AP2B1: variants seen among roughly 807,000 people sequenced by gnomAD.
The protein encoded by AP2B1 is adaptor related protein complex 2 subunit beta 1.
A neutral mutation model predicts 102.0 loss-of-function variants in AP2B1; 23 were observed. The observed-to-expected ratio is 0.23, with a 90% CI of 0.16 to 0.32. AP2B1 has a LOEUF of 0.32. Among genes scored for constraint, AP2B1 ranks in the 10% least tolerant of loss-of-function variants. The pLI is 1.00. For synonymous variants in AP2B1, 381 were observed against 421.2 expected (o/e 0.90, Z 1.17); for missense variants, 541 against 1,157.4 (o/e 0.47, Z 7.73).
chr17:35,713,795 AGT>A (rs1212416907), intron 20 of AP2B1: 2 of 152,200 alleles, frequency 1.3e-5, no homozygotes, highest in Admixed American at 1.3e-4. Context: ...TTAAGAGAAA[AGT>A]GTATGGTGGG....
Position 35,682,725 on chromosome 17 carries a change from C to T in AP2B1, c.2355C>T (p.Ala785=). The T allele has an allele frequency of 6.2e-7, 1 of 1,612,482 alleles. No individual in the cohort carries two copies. The highest frequency in any genetic ancestry group is 1.3e-5 in the African/African-American group (1 of 74,954). ...GTGTCATCCCCAGCACTCCTCTGGC[C>T]ATCCATACACCACTGATGCCAAACC... ...SFGVIPSTPL[A]IHTPLMPNQS... is the part of the protein sequence containing the mutation. Residue 785 remains alanine (A), a synonymous_variant, in exon 18 of 22, where the codon GCC becomes GCT. Coordinates refer to ENST00000610402, the MANE Select transcript of AP2B1 (RefSeq NM_001030006.2).
chr17:35,651,671 G>A (rs1013092464), intron 13 of AP2B1, among the ~76,000 whole-genome samples: 1 of 151,886 alleles, frequency 6.6e-6, no homozygotes, highest in Non-Finnish European at 1.5e-5. Flanking sequence ...GGCGTGGTCA[G>A]CATTTTGGGT....
At chr17:35,596,843 G>A (rs1401661906) in intron 2 of AP2B1, 3 of 672,698 alleles carry the variant, frequency 4.5e-6, no homozygotes, top group Non-Finnish European at 8.3e-6. Flanking sequence ...GCCCCACACC[G>A]CACACAGGCC....
chr17:35,681,171 AG>A (rs2075816011), intron 17 of AP2B1, among the ~76,000 whole-genome samples: 1 of 152,228 alleles, frequency 6.6e-6, no homozygotes, highest in Non-Finnish European at 1.5e-5. Flanking sequence ...CCTGAAGCTT[AG>A]AAAGTGGCCA....
chr17:35,717,868 T>G (rs1276508022), intron 21 of AP2B1, among the ~76,000 whole-genome samples: 3 of 152,216 alleles, frequency 2.0e-5, no homozygotes, highest in Non-Finnish European at 4.4e-5. Context: ...AAGGGGACTT[T>G]AGTTTGGGAA....
At chr17:35,679,635 C>G (rs1330824824) in intron 17 of AP2B1, among the ~76,000 whole-genome samples, 1 of 152,006 alleles carries the variant, frequency 6.6e-6, no homozygotes, top group African/African-American at 2.4e-5. Flanking sequence ...GACTTTTTCC[C>G]CCTTGTTTGT....
intron 18 of AP2B1, among the ~76,000 whole-genome samples, chr17:35,705,977 C>T (rs1284821727): frequency 1.3e-5 from 2 of 152,194 alleles, no homozygotes; most frequent in Non-Finnish European, 2.9e-5. Context: ...ATTTTACAGA[C>T]AGGAAACTGT....
intron 17 of AP2B1, among the ~76,000 whole-genome samples, chr17:35,675,291 A>G (rs1465016675): frequency 6.6e-6 from 1 of 152,240 alleles, no homozygotes; most frequent in Non-Finnish European, 1.5e-5. Context: ...AGCCCTGCAT[A>G]TAAAAAGTAG....
intron 6 of AP2B1, among the ~76,000 whole-genome samples, chr17:35,626,081 C>A (rs1157467560): frequency 6.6e-6 from 1 of 152,044 alleles, no homozygotes. Context: ...AAAAAACAAA[C>A]CCTTTTCAGA....
At chr17:35,620,800 A>G (rs2074154726) in intron 5 of AP2B1, among the ~76,000 whole-genome samples, 1 of 152,180 alleles carries the variant, frequency 6.6e-6, no homozygotes, top group Non-Finnish European at 1.5e-5. Context: ...CCTGGGCAAC[A>G]GAGTGAGACC....
intron 9 of AP2B1, among the ~76,000 whole-genome samples, chr17:35,632,564 A>G (rs766269535): frequency 1.3e-5 from 2 of 152,062 alleles, no homozygotes; most frequent in African/African-American, 4.8e-5. Flanking sequence ...TCTTTATCAT[A>G]TACTGAATTT....
chr17:35,674,107 T>A, intron 16 of AP2B1, 69 bp from the exon 17 acceptor site: 1 of 1,471,822 alleles, frequency 6.8e-7, no homozygotes. Context: ...TTGTTTTTTA[T>A]TTGTTAAAAA....
chr17:35,713,475 G>A (rs1477490419), intron 20 of AP2B1, among the ~76,000 whole-genome samples: 5 of 152,208 alleles, frequency 3.3e-5, no homozygotes, highest in Non-Finnish European at 5.9e-5. Flanking sequence ...TTCCAGTCTC[G>A]AGGGCTCTAT....
chr17:35,596,226 G>A (rs978909825), intron 2 of AP2B1, among the ~76,000 whole-genome samples: 2 of 152,138 alleles, frequency 1.3e-5, no homozygotes, highest in Non-Finnish European at 2.9e-5. Flanking sequence ...AAACCCCGCC[G>A]TTTGTCCTTC....
chr17:35,698,827 G>C (rs1303718896), intron 18 of AP2B1, among the ~76,000 whole-genome samples: 1 of 152,164 alleles, frequency 6.6e-6, no homozygotes, highest in Non-Finnish European at 1.5e-5. Flanking sequence ...TTCTGACCTT[G>C]CTGTGCTTTG....
At chr17:35,592,262 G>C (rs1209958959) in intron 1 of AP2B1, among the ~76,000 whole-genome samples, 1 of 152,074 alleles carries the variant, frequency 6.6e-6, no homozygotes, top group African/African-American at 2.4e-5. Flanking sequence ...GTCTTGTCCT[G>C]AAGTTGGTGA....
chr17:35,593,041 T>C (rs530447370), intron 1 of AP2B1, among the ~76,000 whole-genome samples: 1 of 152,344 alleles, frequency 6.6e-6, no homozygotes, highest in Non-Finnish European at 1.5e-5. Flanking sequence ...ATCCACGTTC[T>C]TTTGTTTCAA....
intron 12 of AP2B1, among the ~76,000 whole-genome samples, chr17:35,647,299 T>A (rs1345072383): frequency 6.6e-6 from 1 of 152,212 alleles, no homozygotes; most frequent in Non-Finnish European, 1.5e-5. Context: ...TTTTATAATG[T>A]TCAAGCTTTG....
At chr17:35,671,131 C>G (rs1410650215) in intron 15 of AP2B1, among the ~76,000 whole-genome samples, 1 of 152,136 alleles carries the variant, frequency 6.6e-6, no homozygotes, top group Non-Finnish European at 1.5e-5. Context: ...CTATAGAGAT[C>G]TTTGTCTTTC....
Sources: gnomAD v4.1 joint callset for allele counts (sites outside exome capture counted in the v4.1 genomes callset) on GRCh38, gnomAD v4.1.1 for gene constraint, MANE v1.5 for transcripts, NCBI Gene and HGNC (gene_info 2026-07-23, HGNC 2026-07-21) for gene names.